Variants in TMEM178A observed in about 807,000 individuals in gnomAD.
The protein encoded by TMEM178A is transmembrane protein 178A, also known as transmembrane protein 178.
In TMEM178A, 12 loss-of-function variants were observed where a neutral mutation model predicts 29.1. The observed-to-expected ratio is 0.41, with a 90% CI of 0.26 to 0.67. TMEM178A has a LOEUF of 0.67. TMEM178A is among the 30% of genes least tolerant of loss of function. The pLI is 0.29. For synonymous variants in TMEM178A, 210 were observed against 187.2 expected (o/e 1.12, Z -0.99); for missense variants, 366 against 419.1 (o/e 0.87, Z 1.11).
chr2:39,696,445 G>T (rs964964957), intron 1 of TMEM178A, among the ~76,000 whole-genome samples: 3 of 152,136 alleles, frequency 2.0e-5, no homozygotes, highest in African/African-American at 7.2e-5. Context: ...CTTACAGTGG[G>T]CCACACATCC....
chr2:39,681,837 C>T (rs1341803571), intron 1 of TMEM178A, among the ~76,000 whole-genome samples: 1 of 152,174 alleles, frequency 6.6e-6, no homozygotes, highest in Non-Finnish European at 1.5e-5. Context: ...GCCTTGTTTC[C>T]TGACTAAGTG....
chr2:39,704,234 C>G (rs763174387), intron 2 of TMEM178A, 40 bp downstream of exon 2: 3 of 1,560,808 alleles, frequency 1.9e-6, no homozygotes, highest in South Asian at 1.1e-5. Flanking sequence ...GAAATGGTGT[C>G]ATTCTGAACA....
At chr2:39,707,609 C>CT (rs1330719066) in intron 3 of TMEM178A, among the ~76,000 whole-genome samples, 1 of 152,070 alleles carries the variant, frequency 6.6e-6, no homozygotes, top group Non-Finnish European at 1.5e-5. Context: ...GTAGCTGGGA[C>CT]TACAGGCATG....
downstream of TMEM178A, among the ~76,000 whole-genome samples, chr2:39,719,853 T>G (rs1212015263): frequency 6.6e-6 from 1 of 152,128 alleles, no homozygotes; most frequent in Non-Finnish European, 1.5e-5. Flanking sequence ...TCCCAGGATA[T>G]GGGAAACCTC....
intron 1 of TMEM178A, among the ~76,000 whole-genome samples, chr2:39,700,757 G>C (rs1438824395): frequency 1.3e-5 from 2 of 149,986 alleles, no homozygotes; most frequent in African/African-American, 4.9e-5. Context: ...CTTCATTAAT[G>C]TTTTCTTTTG....
At chr2:39,720,204 T>C (rs571112800), downstream of TMEM178A, among the ~76,000 whole-genome samples, 1 of 152,278 alleles carries the variant, frequency 6.6e-6, no homozygotes, top group Admixed American at 6.5e-5. Context: ...GTTAAAAAAA[T>C]ACTAACTTTT....
chr2:39,719,606 A>G (rs1000522347), downstream of TMEM178A, among the ~76,000 whole-genome samples: 5 of 152,228 alleles, frequency 3.3e-5, no homozygotes, highest in Admixed American at 6.5e-5. Context: ...GGCTTCTCTT[A>G]GGAGTTTTTT....
intron 1 of TMEM178A, among the ~76,000 whole-genome samples, chr2:39,671,665 T>C (rs1241684408): frequency 6.6e-6 from 1 of 152,228 alleles, no homozygotes; most frequent in Non-Finnish European, 1.5e-5. Flanking sequence ...TACTGACACA[T>C]ACATCATAAA....
downstream of TMEM178A, among the ~76,000 whole-genome samples, chr2:39,719,065 C>T (rs887174955): frequency 2.0e-5 from 3 of 152,172 alleles, no homozygotes; most frequent in Non-Finnish European, 2.9e-5. Context: ...TGCCGGCGAC[C>T]ACACCAGCTT....
At chr2:39,698,469 T>G (rs1671645043) in intron 1 of TMEM178A, among the ~76,000 whole-genome samples, 1 of 152,248 alleles carries the variant, frequency 6.6e-6, no homozygotes, top group Non-Finnish European at 1.5e-5. Context: ...TTAATTGATT[T>G]TAATATATTG....
At position 39,717,859 on chromosome 2, in the gene TMEM178A, G is replaced by A. The variant is rs1672614259; in HGVS notation, c.*608G>A. ...AGATAAACAGATCAAACGTGCTTAA[G>A]AGCTAACTCGTGACACTATGCAGTA... On this transcript the variant is annotated 3_prime_UTR_variant, in exon 4 of 4. Transcript: ENST00000281961. The A allele has an allele frequency of 1.3e-5, 2 of 152,586 alleles. No individual in the cohort carries two copies. The highest frequency in any genetic ancestry group is 2.9e-5 in the Non-Finnish European group (2 of 68,208). The allele number at this position is 152,586 out of a possible 1,614,324, so 9.5% of individuals were successfully genotyped here.
At chr2:39,707,731 G>T (rs1232033999) in intron 3 of TMEM178A, among the ~76,000 whole-genome samples, 1 of 152,198 alleles carries the variant, frequency 6.6e-6, no homozygotes, top group Non-Finnish European at 1.5e-5. Flanking sequence ...CTCCCAAAGT[G>T]CTGGGATTAC....
intron 3 of TMEM178A, among the ~76,000 whole-genome samples, chr2:39,715,462 G>A (rs573557000): frequency 6.6e-6 from 1 of 152,244 alleles, no homozygotes; most frequent in South Asian, 2.1e-4. Flanking sequence ...TGAGAAAAGT[G>A]GAGTATTCTT....
intron 1 of TMEM178A, among the ~76,000 whole-genome samples, chr2:39,667,101 C>A (rs1230837035): frequency 6.6e-6 from 1 of 152,198 alleles, no homozygotes; most frequent in Non-Finnish European, 1.5e-5. Flanking sequence ...GGACCCCATA[C>A]CCCCACCCTC....
At chr2:39,729,929 C>T in the TMEM178A span, among the ~76,000 whole-genome samples, 633 of 152,252 alleles carry the variant, frequency 4.2e-3, 4 homozygotes, top group African/African-American at 0.014. Context: ...CTTGGATTAC[C>T]TTTTTCCCTA....
intron 3 of TMEM178A, 133 bp from the exon 4 acceptor site, chr2:39,716,877 A>C (rs1417885912): frequency 4.3e-6 from 5 of 1,150,262 alleles, no homozygotes; most frequent in East Asian, 4.8e-5. Flanking sequence ...CAAGTAAAAT[A>C]ATTATGGATC....
chr2:39,720,043 T>G (rs945228414), downstream of TMEM178A, among the ~76,000 whole-genome samples: 3 of 152,128 alleles, frequency 2.0e-5, no homozygotes, highest in Non-Finnish European at 4.4e-5. Flanking sequence ...GTGAAAAAAA[T>G]TAAGCTTACT....
intron 1 of TMEM178A, among the ~76,000 whole-genome samples, chr2:39,694,024 C>G (rs1224454286): frequency 1.4e-5 from 2 of 147,168 alleles, no homozygotes; most frequent in East Asian, 4.0e-4. Flanking sequence ...TGGGTTGAAT[C>G]TGTCTGACTT....
chr2:39,711,877 A>T (rs1437157581), intron 3 of TMEM178A, among the ~76,000 whole-genome samples: 3 of 152,130 alleles, frequency 2.0e-5, no homozygotes, highest in Non-Finnish European at 4.4e-5. Flanking sequence ...CTTGAAATCA[A>T]ATACATTAAT....
Sources: gnomAD v4.1 joint callset for allele counts (sites outside exome capture counted in the v4.1 genomes callset) on GRCh38, gnomAD v4.1.1 for gene constraint, MANE v1.5 for transcripts, NCBI Gene and HGNC (gene_info 2026-07-23, HGNC 2026-07-21) for gene names.